Variants in ZNF616 observed in about 807,000 individuals in gnomAD.
ZNF616 encodes the protein zinc finger protein 616.
Under a neutral mutation model 7.6 loss-of-function variants are expected in ZNF616, and 5 were observed. That is an observed-to-expected ratio of 0.66 (90% CI 0.34 to 1.38). The LOEUF (loss-of-function observed/expected upper bound fraction) is 1.38. Among genes scored for constraint, ZNF616 ranks in the 40% most tolerant of loss-of-function variants. The probability of loss-of-function intolerance (pLI) is 0.04; values close to 1 mark genes in which losing one functional copy is unlikely to be tolerated. For missense variants in ZNF616, 913 were observed against 948.3 expected (o/e 0.96, Z 0.49); for synonymous variants, 319 against 317.2 (o/e 1.01, Z -0.06).
Position 52,115,966 on chromosome 19 carries a change from G to T in ZNF616, c.1198C>A (p.Arg400=). 1 of 1,614,104 alleles carries T rather than the reference G, an allele frequency of 6.2e-7. No individual in the cohort carries two copies. Among genetic ancestry groups the T allele is most frequent in the Non-Finnish European group, 8.5e-7 (1 of 1,180,026 alleles). Residue 400 remains arginine, a synonymous_variant, in exon 4 of 4, where the codon CGA becomes AGA. Coordinates refer to ENST00000600228, the MANE Select transcript of ZNF616 (RefSeq NM_178523.5). ...FSKRSSLAVH[R]RIHTVEKPCK... is the part of the protein sequence containing the mutation. ...GGTTTCTCTACAGTGTGAATTCGTC[G>T]ATGCACTGCAAGACTTGAACGTTTA...
At position 52,116,173 on chromosome 19, in the gene ZNF616, C is replaced by A; in HGVS notation, c.991G>T (p.Gly331Cys). ...GERPFKCNECGKTFKRSSNLT... is the reference protein window; with the variant it reads ...GERPFKCNECCKTFKRSSNLT... ...TTTGAGCTCCGTTTAAAGGTTTTGC[C>A]ACACTCATTACATTTGAAGGGTCTC... Residue 331 changes from glycine to cysteine, a missense_variant, in exon 4 of 4, where the codon GGC becomes TGC. Transcript: ENST00000600228. 1.2e-6 allele frequency: 2 copies of A among 1,614,122 alleles called. No individual in the cohort carries two copies. The highest frequency in any genetic ancestry group is 1.7e-6 in the Non-Finnish European group (2 of 1,180,032).
chr19:52,113,492 T>G lies in ZNF616; in HGVS notation c.*1326A>C, dbSNP rs1428023595. 1.3e-5 allele frequency: 2 copies of G among 152,208 alleles called. No individual in the cohort carries two copies. Among genetic ancestry groups the G allele is most frequent in the African/African-American group, 4.8e-5 (2 of 41,440 alleles). 9.4% of individuals were successfully genotyped at this position (152,208 alleles called of 1,614,324 possible). A position where few individuals can be genotyped will look rare whatever the true frequency, so the allele number is the denominator to read the frequency against. On this transcript the variant is annotated 3_prime_UTR_variant, in exon 4 of 4. Transcript: ENST00000600228. Reference sequence around the variant, plus strand: ...TAAGTTCTGGGTACATGTGCACAATTTGCAAATTTGTTACATAGGAAAATG... The same window carrying G: ...TAAGTTCTGGGTACATGTGCACAATGTGCAAATTTGTTACATAGGAAAATG...
intron 2 of ZNF616, among the ~76,000 whole-genome samples, chr19:52,124,336 T>C (rs1437589264): frequency 6.6e-6 from 1 of 152,242 alleles, no homozygotes; most frequent in Non-Finnish European, 1.5e-5. Context: ...TTATGCTCCA[T>C]ACATCAACTG....
rs1288488624 is a variant in ZNF616 at position 52,139,750 on chromosome 19, T to C, written c.-95A>G. 1 of 152,310 alleles carries C rather than the reference T, an allele frequency of 6.6e-6. No homozygotes were observed. Among genetic ancestry groups the C allele is most frequent in the Non-Finnish European group, 1.5e-5 (1 of 68,148 alleles). The allele number at this position is 152,310 out of a possible 1,614,324, so 9.4% of individuals were successfully genotyped here. On this transcript the variant is annotated 5_prime_UTR_variant, in exon 1 of 4. Transcript: ENST00000600228. The surrounding 1 kb of genome is among the most constrained non-coding windows in gnomAD (Gnocchi z 4.1). Reference sequence around the variant, plus strand: ...GACTTACGTGGGGAGAAGTGCCTGTTGCAGGGGCGAAGGGGCTATGGGTAT... The same window carrying C: ...GACTTACGTGGGGAGAAGTGCCTGTCGCAGGGGCGAAGGGGCTATGGGTAT...
intron 3 of ZNF616, among the ~76,000 whole-genome samples, chr19:52,120,032 A>G (rs1285414040): frequency 1.3e-5 from 2 of 152,248 alleles, no homozygotes; most frequent in African/African-American, 4.8e-5. Context: ...TAGTACAACA[A>G]TGTTAAGGAG....
In ZNF616 at chr19:52,130,505, G is replaced by A. The variant is rs143690257; in HGVS notation, c.8C>T (p.Thr3Ile). The stretch of plus-strand genomic sequence containing the variant: ...TTGAGTAAAGTATCACTCTACCTGA[G>A]TAGCCATCACTGACTCCTTTTCCTT... Reference protein sequence around the residue: MATQGHLTFKDVA... With the variant: MAIQGHLTFKDVA... The change falls in exon 2 of 4, where the codon ACT (threonine) becomes ATT (isoleucine). Residue 3 changes from threonine to isoleucine, a missense_variant. By Grantham distance (89) the Thr-to-Ile change is moderately conservative (BLOSUM62 -1). Coordinates refer to ENST00000600228, the MANE Select transcript of ZNF616 (RefSeq NM_178523.5). 86 of 1,611,626 alleles carry A rather than the reference G, an allele frequency of 5.3e-5. No individual in the cohort carries two copies. The highest frequency in any genetic ancestry group is 1.2e-4 in the Admixed American group (7 of 59,680).
chr19:52,123,891 A>C, intron 3 of ZNF616, 32 bp downstream of exon 3: 1 of 1,613,294 alleles, frequency 6.2e-7, no homozygotes, highest in African/African-American at 1.3e-5. Flanking sequence ...CACAAGGGCG[A>C]ATCTGAACTT....
At chr19:52,128,906 CTTT>C (rs80281618) in intron 2 of ZNF616, among the ~76,000 whole-genome samples, 2 of 142,078 alleles carry the variant, frequency 1.4e-5, no homozygotes, top group East Asian at 2.0e-4. Flanking sequence ...CTCACAGTTA[CTTT>C]TTTTTTTTTT....
At chr19:52,137,053 G>GTATATATATATATATATATATATA (rs35226169) in intron 1 of ZNF616, among the ~76,000 whole-genome samples, 26 of 143,718 alleles carry the variant, frequency 1.8e-4, no homozygotes, top group African/African-American at 5.9e-4. Flanking sequence ...TTATGTATGT[G>GTATATATATATATATATATATATA]TATATATATA....
At chr19:52,133,168 A>ACT (rs1398181275) in intron 1 of ZNF616, among the ~76,000 whole-genome samples, 1 of 152,170 alleles carries the variant, frequency 6.6e-6, no homozygotes, top group East Asian at 1.9e-4. Flanking sequence ...AGAAGTGAAG[A>ACT]CGGAGAGTAT....
chr19:52,132,537 C>T (rs1417759531), intron 1 of ZNF616, among the ~76,000 whole-genome samples: 2 of 152,066 alleles, frequency 1.3e-5, no homozygotes, highest in Admixed American at 6.6e-5. Context: ...TGAATGGTTT[C>T]GCACCACCCC....
chr19:52,118,785 A>G (rs1210491932), intron 3 of ZNF616, among the ~76,000 whole-genome samples: 1 of 152,238 alleles, frequency 6.6e-6, no homozygotes, highest in African/African-American at 2.4e-5. Context: ...CTAAAAAACA[A>G]TATTCTAGAC....
Position 52,116,362 on chromosome 19 carries a change from G to A in ZNF616, c.802C>T (p.Pro268Ser). 6.2e-7 allele frequency: 1 copy of A among 1,614,078 alleles called. No homozygotes were observed. Among genetic ancestry groups the A allele is most frequent in the Non-Finnish European group, 8.5e-7 (1 of 1,180,018 alleles). ...RHQRSHTGQK[P>S]YICNECGKSF... ...TTGCCACATTCATTACATATGTAGG[G>A]TTTCTGTCCAGTGTGACTCCTTTGG... Residue 268 changes from proline to serine, a missense_variant, in exon 4 of 4, where the codon CCC becomes TCC. Coordinates refer to ENST00000600228, the MANE Select transcript of ZNF616 (RefSeq NM_178523.5).
Position 52,115,571 on chromosome 19 carries a change from A to G in ZNF616, c.1593T>C (p.Ser531=). The change falls in exon 4 of 4, where the codon AGT becomes AGC. Residue 531 remains serine (S), a synonymous_variant. Coordinates refer to ENST00000600228, the MANE Select transcript of ZNF616 (RefSeq NM_178523.5). ...YKCKECGKVF[S]DRSAFARHRR... ...GATGCCTTGCAAAAGCTGAACGGTCACTGAAGACCTTGCCACATTCTTTGC... is the reference window on the plus strand; with the variant it reads ...GATGCCTTGCAAAAGCTGAACGGTCGCTGAAGACCTTGCCACATTCTTTGC... 1 of 1,614,052 alleles carries G rather than the reference A, an allele frequency of 6.2e-7. No homozygotes were observed. The highest frequency in any genetic ancestry group is 2.2e-5 in the East Asian group (1 of 44,844).
intron 2 of ZNF616, among the ~76,000 whole-genome samples, chr19:52,124,907 A>G (rs181535073): frequency 6.6e-6 from 1 of 152,268 alleles, no homozygotes; most frequent in African/African-American, 2.4e-5. Context: ...CACGTGGCAG[A>G]AGGAACAGAA....
At chr19:52,121,818 A>G (rs2088866155) in intron 3 of ZNF616, among the ~76,000 whole-genome samples, 1 of 152,204 alleles carries the variant, frequency 6.6e-6, no homozygotes. Context: ...CAAGATGGAT[A>G]TAGACTTAAA....
Position 52,114,769 on chromosome 19 carries a change from A to T in ZNF616, c.*49T>A, listed in dbSNP as rs146062154. The T allele has an allele frequency of 2.6e-6, 4 of 1,522,606 alleles. No individual in the cohort carries two copies. In the South Asian group the frequency reaches 5.3e-5, roughly 20 times the overall value. The allele number at this position is 1,522,606 out of a possible 1,614,324, so 94.3% of individuals were successfully genotyped here. ...AAGAGAAGGGGTAAATATACAAGGTATATCAGTAAGTAGGAATTATTCGGT... is the reference window on the plus strand; with the variant it reads ...AAGAGAAGGGGTAAATATACAAGGTTTATCAGTAAGTAGGAATTATTCGGT... On this transcript the variant is annotated 3_prime_UTR_variant, in exon 4 of 4. Coordinates refer to ENST00000600228, the MANE Select transcript of ZNF616 (RefSeq NM_178523.5).
At chr19:52,130,341 G>C (rs2088946681) in intron 2 of ZNF616, among the ~76,000 whole-genome samples, 160 bp downstream of exon 2, 1 of 152,144 alleles carries the variant, frequency 6.6e-6, no homozygotes, top group Admixed American at 6.6e-5. Context: ...TAAGATGAGA[G>C]GAACTGAGGA....
chr19:52,133,123 T>A (rs149925182), intron 1 of ZNF616, among the ~76,000 whole-genome samples: 1 of 152,174 alleles, frequency 6.6e-6, no homozygotes, highest in Non-Finnish European at 1.5e-5. Flanking sequence ...GATATGCAAG[T>A]TTGACTGGAT....
Sources: gnomAD v4.1 joint callset for allele counts (sites outside exome capture counted in the v4.1 genomes callset) on GRCh38, gnomAD v4.1.1 for gene constraint, Gnocchi (gnomAD v3.1) non-coding constraint, MANE v1.5 for transcripts, NCBI Gene and HGNC (gene_info 2026-07-23, HGNC 2026-07-21) for gene names.